Variants in VSIG4 observed in about 807,000 individuals in gnomAD.
VSIG4 encodes the protein V-set and immunoglobulin domain-containing protein 4.
VSIG4 carries 34 observed loss-of-function variants against 23.4 expected under a neutral mutation model. That is an observed-to-expected ratio of 1.45 (90% CI 1.10 to 1.93). The LOEUF is 1.93. VSIG4 is among the 30% of genes most tolerant of loss of function. The pLI is 0.00. For synonymous variants in VSIG4, 169 were observed against 120.3 expected (o/e 1.41, Z -2.65); for missense variants, 433 against 310.8 (o/e 1.39, Z -2.96).
Position 66,022,501 on chromosome X carries a change from C to T in VSIG4, c.963-1G>A, listed in dbSNP as rs754869551. The T allele has an allele frequency of 2.5e-6, 3 of 1,209,755 alleles. No individual in the cohort carries two copies. The highest frequency in any genetic ancestry group is 1.7e-5 in the African/African-American group (1 of 57,588). On this transcript the variant is annotated splice_acceptor_variant, in intron 7 of 7. Transcript: ENST00000374737. LOFTEE classifies it high-confidence loss of function. The stretch of plus-strand genomic sequence containing the variant: ...GTCGTTGGCCTCTCTGGCATGTGCC[C>T]TATGGCCCAAGAGCCCACCACCCAT...
chrX:66,026,800 T>G (rs2085397299), intron 5 of VSIG4, among the ~76,000 whole-genome samples: 1 of 111,473 alleles, frequency 9.0e-6, no homozygotes, highest in South Asian at 3.8e-4. Flanking sequence ...TGCATGACCA[T>G]GGGGGTGGTC....
At chrX:66,025,515 G>T (rs1333086342) in intron 5 of VSIG4, among the ~76,000 whole-genome samples, 1 of 112,301 alleles carries the variant, frequency 8.9e-6, no homozygotes, top group East Asian at 2.8e-4. Context: ...TAGCCACAAA[G>T]ATTCTTCCCA....
intron 5 of VSIG4, among the ~76,000 whole-genome samples, 168 bp from the exon 6 acceptor site, chrX:66,025,297 C>G (rs765222648): frequency 8.9e-6 from 1 of 112,132 alleles, no homozygotes; most frequent in Admixed American, 9.4e-5. Flanking sequence ...ATGAGAAAGA[C>G]TTGAGAAAGA....
At chrX:66,030,300 G>A (rs1442644267) in intron 3 of VSIG4, among the ~76,000 whole-genome samples, 1 of 111,673 alleles carries the variant, frequency 9.0e-6, no homozygotes, top group Non-Finnish European at 1.9e-5. Flanking sequence ...GGTTCAGCTG[G>A]TGGAAGCTAC....
intron 1 of VSIG4, among the ~76,000 whole-genome samples, chrX:66,038,737 A>T (rs2085650111): frequency 9.0e-6 from 1 of 110,860 alleles, no homozygotes; most frequent in Admixed American, 9.6e-5. Context: ...TTGGGGGCAA[A>T]TTATTTTTTC....
At position 66,033,717 on chromosome X, in the gene VSIG4, G is replaced by A. The variant is rs2085494138; in HGVS notation, c.169C>T (p.Leu57=). ...ACAGGGTCTGAGCCACGTTGTACCA[G>A]CCACTTCACCAAGACTTGGGTGTAG... is the stretch of plus-strand genomic sequence containing the variant. ...QGYTQVLVKW[L]VQRGSDPVTI... is the part of the protein sequence containing the mutation. The change falls in exon 2 of 8, where the codon CTG becomes TTG. Residue 57 remains leucine (L), a synonymous_variant. Transcript: ENST00000374737. 1 of 1,211,695 alleles carries A rather than the reference G, an allele frequency of 8.3e-7. No homozygotes were observed. Among genetic ancestry groups the A allele is most frequent in the African/African-American group, 1.7e-5 (1 of 57,819 alleles).
intron 1 of VSIG4, among the ~76,000 whole-genome samples, chrX:66,036,401 G>A (rs1271710346): frequency 9.6e-6 from 1 of 104,671 alleles, no homozygotes; most frequent in African/African-American, 3.5e-5. Flanking sequence ...AGTTCCCCTA[G>A]AATCAAGTAG....
intron 7 of VSIG4, 81 bp downstream of exon 7, chrX:66,022,760 C>T: frequency 8.3e-7 from 1 of 1,207,578 alleles, no homozygotes; most frequent in Non-Finnish European, 1.1e-6. Flanking sequence ...TGCCACACCC[C>T]CCTTCCTCCA....
Position 66,036,817 on chromosome X carries a change from AT to A in VSIG4, c.56-2988del, listed in dbSNP as rs1196654826. On this transcript the variant is annotated intron_variant, in intron 1 of 7. Transcript: ENST00000374737. ...TATAATATATTATATAATATTATATATTATTATATATATAATATGTTATATA... is the reference window on the plus strand; with the variant it reads ...TATAATATATTATATAATATTATATATATTATATATATAATATGTTATATA... Among the ~76,000 whole-genome samples, 236 of 36,418 alleles carry A rather than the reference AT, an allele frequency of 6.5e-3. 6 individuals are homozygous for A. The highest frequency in any genetic ancestry group is 0.028 in the African/African-American group (221 of 7,954). 31.6% of individuals were successfully genotyped at this position (36,418 alleles called of 115,157 possible).
In VSIG4 at chrX:66,033,750, G is replaced by A. The variant is rs143524136; in HGVS notation, c.136C>T (p.Leu46=). Residue 46 remains leucine (L), a synonymous_variant, in exon 2 of 8, where the codon CTG becomes TTG. Coordinates refer to ENST00000374737, the MANE Select transcript of VSIG4 (RefSeq NM_007268.3). Reference sequence around the variant, plus strand: ...ACCAAGACTTGGGTGTAGCCTTGCAGGGGGTCATAGGTGCAGGGAAGATTC... The same window carrying A: ...ACCAAGACTTGGGTGTAGCCTTGCAAGGGGTCATAGGTGCAGGGAAGATTC... ...DVNLPCTYDP[L]QGYTQVLVKW... 6.6e-6 allele frequency: 8 copies of A among 1,209,644 alleles called. No homozygotes were observed. The highest frequency in any genetic ancestry group is 8.9e-6 in the Non-Finnish European group (8 of 895,135).
chrX:66,036,955 T>A (rs1314929572), intron 1 of VSIG4, among the ~76,000 whole-genome samples: 4 of 35,150 alleles, frequency 1.1e-4, no homozygotes, highest in African/African-American at 7.3e-4. Flanking sequence ...ATATATTATA[T>A]TATATTATAT....
At chrX:66,023,358 G>A (rs2085354787) in intron 6 of VSIG4, among the ~76,000 whole-genome samples, 1 of 111,920 alleles carries the variant, frequency 8.9e-6, no homozygotes, top group Non-Finnish European at 1.9e-5. Context: ...TTGCCCCCTA[G>A]TGTCTGTGGA....
At chrX:66,036,872 AT>A (rs1460995803) in intron 1 of VSIG4, among the ~76,000 whole-genome samples, 44 of 41,067 alleles carry the variant, frequency 1.1e-3, no homozygotes, top group African/African-American at 3.8e-3. Flanking sequence ...AATATATTAT[AT>A]TATATATTAT....
In VSIG4 at chrX:66,022,582, C is replaced by A. The variant is rs2085345611; in HGVS notation, c.963-82G>T. ...TCCCACCCTTCTGCCTCAATTCTTG[C>A]CAATTAATTATCAGGATCCTACCAC... On this transcript the variant is annotated intron_variant, in intron 7 of 7. Coordinates refer to ENST00000374737, the MANE Select transcript of VSIG4 (RefSeq NM_007268.3). The A allele has an allele frequency of 4.3e-6, 5 of 1,165,312 alleles. No homozygotes were observed. The East Asian group carries it at 1.2e-4, about 28-fold the overall frequency.
chrX:66,024,910 T>G (rs777539589), intron 6 of VSIG4, 115 bp downstream of exon 6: 10 of 493,613 alleles, frequency 2.0e-5, no homozygotes, highest in Non-Finnish European at 3.2e-5. Context: ...ACTCCCAAAC[T>G]AGGCTGGGAG....
chrX:66,033,071 T>G (rs780499378), intron 2 of VSIG4, among the ~76,000 whole-genome samples: 1 of 111,557 alleles, frequency 9.0e-6, no homozygotes, highest in African/African-American at 3.3e-5. Flanking sequence ...AGGGCCAGAC[T>G]TTTGTAAAAT....
intron 1 of VSIG4, among the ~76,000 whole-genome samples, chrX:66,034,766 T>TGGGG (rs1211655954): frequency 5.4e-4 from 2 of 3,689 alleles, no homozygotes; most frequent in Admixed American, 3.6e-3. Context: ...CCCTTGGGGA[T>TGGGG]GGGGGTGGGG....
At chrX:66,025,866 A>G (rs1005096208) in intron 5 of VSIG4, among the ~76,000 whole-genome samples, 6 of 112,477 alleles carry the variant, frequency 5.3e-5, no homozygotes, top group Non-Finnish European at 9.4e-5. Flanking sequence ...GAAAAGAAAG[A>G]CAAGGAAATT....
At chrX:66,035,600 T>G (rs182123996) in intron 1 of VSIG4, among the ~76,000 whole-genome samples, 294 of 112,078 alleles carry the variant, frequency 2.6e-3, no homozygotes, top group Non-Finnish European at 4.2e-3. Flanking sequence ...TGGGTTTCAC[T>G]GTGCCATAGA....
Sources: allele counts gnomAD v4.1 joint callset (sites outside exome capture counted in the v4.1 genomes callset), GRCh38; gene constraint gnomAD v4.1.1; transcripts MANE v1.5; gene names NCBI Gene and HGNC (gene_info 2026-07-23, HGNC 2026-07-21).